Variants in SH2D3A observed in about 807,000 individuals in gnomAD.
SH2D3A encodes the protein SH2 domain-containing protein 3A.
In SH2D3A, 46 loss-of-function variants were observed where a neutral mutation model predicts 50.6. The observed-to-expected ratio is 0.91, with a 90% confidence interval of 0.72 to 1.16. SH2D3A has a LOEUF of 1.16. SH2D3A is among the 50% of genes most tolerant of loss of function. The pLI, the probability that SH2D3A is intolerant of heterozygous loss-of-function variation, is 0.00. For missense variants in SH2D3A, 783 were observed against 786.2 expected, an observed-to-expected ratio of 1.00 and a Z score of 0.05; for synonymous variants, 377 against 348.4, an observed-to-expected ratio of 1.08 and a Z score of -0.91.
Position 6,754,822 on chromosome 19 carries a change from G to A in SH2D3A, c.981+9C>T. ...GGCCTGGGGAGGAGCATCCCAGGAG[G>A]TGACCCACCTGGCAGTCTACCAATA... On this transcript the variant is annotated intron_variant, in intron 5 of 9. Coordinates refer to ENST00000245908, the MANE Select transcript of SH2D3A (RefSeq NM_005490.3). 6.2e-7 allele frequency: 1 copy of A among 1,608,516 alleles called. No homozygotes were observed. Among genetic ancestry groups the A allele is most frequent in the Non-Finnish European group, 8.5e-7 (1 of 1,176,222 alleles).
chr19:6,752,694 G>A lies in SH2D3A; in HGVS notation c.1630C>T (p.Leu544Phe), dbSNP rs763958239. Residue 544 changes from leucine to phenylalanine, a missense_variant, in exon 10 of 10, where the codon CTC (leucine) becomes TTC (phenylalanine). By Grantham distance (22) the Leu-to-Phe change is conservative (BLOSUM62 0). Transcript: ENST00000245908. ...ALTTGFVRRL[L>F]WGSRGAGAPR... Reference sequence around the variant, plus strand: ...GCTCCCGCGCCCCGGCTACCCCAGAGCAGCCTCCGCACGAAGCCGGTGGTC... The same window carrying A: ...GCTCCCGCGCCCCGGCTACCCCAGAACAGCCTCCGCACGAAGCCGGTGGTC... The A allele has an allele frequency of 6.4e-7, 1 of 1,552,722 alleles. No individual in the cohort carries two copies. Among genetic ancestry groups the A allele is most frequent in the Middle Eastern group, 1.7e-4 (1 of 5,974 alleles).
Position 6,759,657 on chromosome 19 carries a change from T to A in SH2D3A, c.433A>T (p.Ser145Cys). The A allele has an allele frequency of 3.1e-6, 5 of 1,613,788 alleles. No individual in the cohort carries two copies. Among genetic ancestry groups the A allele is most frequent in the Non-Finnish European group, 4.2e-6 (5 of 1,179,800 alleles). Residue 145 changes from serine to cysteine, a missense_variant, in exon 4 of 10, where the codon AGC (serine) becomes TGC (cysteine). Physicochemically the swap from Ser to Cys is moderately radical, Grantham distance 112 (BLOSUM62 -1). Coordinates refer to ENST00000245908, the MANE Select transcript of SH2D3A (RefSeq NM_005490.3). ...RIEPLRARKWSNSQPADLAHM... is the reference protein window; with the variant it reads ...RIEPLRARKWCNSQPADLAHM... ...GCCAAATCTGCAGGCTGACTGTTGC[T>A]CCACTTCCTTGCCCTGGGGGACAGA...
chr19:6,754,191 C>G lies in SH2D3A; in HGVS notation c.1273-28G>C, dbSNP rs1195215464. The G allele has an allele frequency of 3.1e-6, 5 of 1,609,230 alleles. No individual in the cohort carries two copies. In the African/African-American group the frequency reaches 6.7e-5, roughly 21 times the overall value. ...GGGAGAAGAGATCTGAGCACGCCTC[C>G]TCTCCAGTCTTCCCAGTCACCCGCA... On this transcript the variant is annotated intron_variant, in intron 7 of 9. Transcript: ENST00000245908.
At chr19:6,753,903 G>A (rs1969482828) in intron 8 of SH2D3A, 149 bp downstream of exon 8, 1 of 1,075,976 alleles carries the variant, frequency 9.3e-7, no homozygotes, top group Non-Finnish European at 1.3e-6. Flanking sequence ...TAGGGAAAGG[G>A]CCAGGACCAA....
intron 4 of SH2D3A, among the ~76,000 whole-genome samples, chr19:6,757,002 C>G (rs549139016): frequency 6.6e-6 from 1 of 152,122 alleles, no homozygotes; most frequent in African/African-American, 2.4e-5. Context: ...TCCCGAGTAG[C>G]TGGGACCACA....
rs374798192 is a variant in SH2D3A, at chr19:6,754,378, G to T, written c.1145C>A (p.Ser382Ter). Residue 382 changes from serine to a stop codon, truncating the protein, a stop_gained, in exon 7 of 10, where the codon TCG becomes TAG. Coordinates refer to ENST00000245908, the MANE Select transcript of SH2D3A (RefSeq NM_005490.3). LOFTEE classifies it high-confidence loss of function. ...GGCTGCGCGCTCCTCCAGCGGCCCC[G>T]AGCAGCCCAGCACCGCCAGCGCCCC... ...LAGALAVLGC[S>*]GPLEERAAAL... The T allele has an allele frequency of 6.4e-6, 10 of 1,553,626 alleles. No homozygotes were observed. Among genetic ancestry groups the T allele is most frequent in the Non-Finnish European group, 8.6e-6 (10 of 1,158,362 alleles).
rs1969969266 is a variant in SH2D3A at position 6,760,783 on chromosome 19, C to T, written c.274G>A (p.Val92Ile). 1 of 1,614,226 alleles carries T rather than the reference C, an allele frequency of 6.2e-7. No individual in the cohort carries two copies. Among genetic ancestry groups the T allele is most frequent in the African/African-American group, 1.3e-5 (1 of 75,052 alleles). The change falls in exon 3 of 10, where the codon GTT becomes ATT. Residue 92 changes from valine to isoleucine, a missense_variant. Coordinates refer to ENST00000245908, the MANE Select transcript of SH2D3A (RefSeq NM_005490.3). Reference sequence around the variant, plus strand: ...CGCCTGCCTGTCATATAACTGTGAACCAGAGCCGGTATGCTGGGGAATTGC... The same window carrying T: ...CGCCTGCCTGTCATATAACTGTGAATCAGAGCCGGTATGCTGGGGAATTGC... The part of the protein sequence containing the change: ...DEQFPSIPAL[V>I]HSYMTGRRPL...
At chr19:6,762,963 C>T (rs1970111211) in intron 2 of SH2D3A, among the ~76,000 whole-genome samples, 1 of 152,116 alleles carries the variant, frequency 6.6e-6, no homozygotes, top group Non-Finnish European at 1.5e-5. Flanking sequence ...CTATTAAGTT[C>T]TACTGCCTCT....
chr19:6,760,370 C>T lies in SH2D3A; in HGVS notation c.419+268G>A, dbSNP rs140605399. Among the ~76,000 whole-genome samples the T allele has an allele frequency of 4.2e-3, 604 of 142,148 alleles. 1 individual carries two copies. Among genetic ancestry groups the T allele is most frequent in the Non-Finnish European group, 6.4e-3 (420 of 65,134 alleles). 93.3% of individuals were successfully genotyped at this position (142,148 alleles called of 152,430 possible). Reference sequence around the variant, plus strand: ...CAGCCTGGGCAACAGAGTGAGACTTCGACTCCAGAGAAAAATAAAAAATAA... The same window carrying T: ...CAGCCTGGGCAACAGAGTGAGACTTTGACTCCAGAGAAAAATAAAAAATAA... On this transcript the variant is annotated intron_variant, in intron 3 of 9. Coordinates refer to ENST00000245908, the MANE Select transcript of SH2D3A (RefSeq NM_005490.3).
chr19:6,758,959 G>C (rs575493249), intron 4 of SH2D3A: 1 of 152,418 alleles, frequency 6.6e-6, no homozygotes, highest in East Asian at 1.9e-4. Flanking sequence ...TGGTGGAAAT[G>C]TAAAATGCAA....
rs1186135941 is a variant in SH2D3A, at chr19:6,754,380, G to A, written c.1143C>T (p.Cys381=). 3.2e-6 allele frequency: 5 copies of A among 1,553,428 alleles called. No individual in the cohort carries two copies. The highest frequency in any genetic ancestry group is 2.3e-5 in the East Asian group (1 of 44,372). Residue 381 remains cysteine (C), a synonymous_variant, in exon 7 of 10, where the codon TGC becomes TGT. Coordinates refer to ENST00000245908, the MANE Select transcript of SH2D3A (RefSeq NM_005490.3). ...CTGCGCGCTCCTCCAGCGGCCCCGAGCAGCCCAGCACCGCCAGCGCCCCGG... is the reference window on the plus strand; with the variant it reads ...CTGCGCGCTCCTCCAGCGGCCCCGAACAGCCCAGCACCGCCAGCGCCCCGG... ...ALAGALAVLG[C]SGPLEERAAA...
intron 4 of SH2D3A, chr19:6,759,359 G>A (rs3865473): frequency 0.25 from 93,737 of 374,092 alleles, 12,296 homozygotes; most frequent in Middle Eastern, 0.28. Flanking sequence ...GTGATCCACC[G>A]GCCTCGGCCT....
At position 6,752,579 on chromosome 19, in the gene SH2D3A, G is replaced by A; in HGVS notation, c.*14C>T. 3 of 1,526,756 alleles carry A rather than the reference G, an allele frequency of 2.0e-6. No homozygotes were observed. Among genetic ancestry groups the A allele is most frequent in the South Asian group, 1.2e-5 (1 of 82,722 alleles). The allele number at this position is 1,526,756 out of a possible 1,614,324, so 94.6% of individuals were successfully genotyped here. Reference sequence around the variant, plus strand: ...ACCTGGGGGTCCCGGGTGTGAAGAAGGGTGTCTGCGCTCTCAGCGGTCAGG... The same window carrying A: ...ACCTGGGGGTCCCGGGTGTGAAGAAAGGTGTCTGCGCTCTCAGCGGTCAGG... On this transcript the variant is annotated 3_prime_UTR_variant, in exon 10 of 10. Transcript: ENST00000245908.
At chr19:6,754,515 C>T in intron 6 of SH2D3A, 90 bp from the exon 7 acceptor site, 2 of 1,572,046 alleles carry the variant, frequency 1.3e-6, no homozygotes, top group Non-Finnish European at 1.7e-6. Context: ...TGCCCCATCT[C>T]CCTTCTTCCC....
In SH2D3A at chr19:6,754,261, AG is replaced by A. The variant is rs1599577956; in HGVS notation, c.1261del (p.Leu421SerfsTer30). ...PGLAAVMGAL[L>X]MPQVSRLEHT... ...CTGCTCCCCACGAACCTGGGGCATG[AG>A]CAGGGCGCCCATGACTGCAGCCAGC... On this transcript the variant is annotated frameshift_variant, in exon 7 of 10. Transcript: ENST00000245908. LOFTEE classifies it high-confidence loss of function. 1.9e-6 allele frequency: 3 copies of A among 1,597,104 alleles called. No individual in the cohort carries two copies. In the East Asian group the frequency reaches 6.7e-5, roughly 36 times the overall value.
Position 6,754,952 on chromosome 19 carries a change from G to A in SH2D3A, c.860C>T (p.Ser287Phe). 1 of 1,613,992 alleles carries A rather than the reference G, an allele frequency of 6.2e-7. No homozygotes were observed. The highest frequency in any genetic ancestry group is 8.5e-7 in the Non-Finnish European group (1 of 1,179,938). Residue 287 changes from serine to phenylalanine, a missense_variant, in exon 5 of 10, where the codon TCC becomes TTC. Coordinates refer to ENST00000245908, the MANE Select transcript of SH2D3A (RefSeq NM_005490.3). Reference sequence around the variant, plus strand: ...CCGATTCTGGGGGCCCAGCAGGCAGGAGGGGGCATCATGGGGGCAGAAAGA... The same window carrying A: ...CCGATTCTGGGGGCCCAGCAGGCAGAAGGGGGCATCATGGGGGCAGAAAGA... ...EISFCPHDAP[S>F]CLLGPQNRPL...
intron 1 of SH2D3A, among the ~76,000 whole-genome samples, chr19:6,765,747 CAAAAAA>C (rs397945080): frequency 1.6e-5 from 1 of 63,238 alleles, no homozygotes; most frequent in African/African-American, 5.3e-5. Context: ...GACTCCGTCT[CAAAAAA>C]AAAAAAAAAA....
rs759411762 is a variant in SH2D3A, at chr19:6,761,965, CAA to C, written c.70-980_70-979del. Among the ~76,000 whole-genome samples the C allele has an allele frequency of 1.7e-4, 17 of 101,610 alleles. 1 individual carries two copies. Among genetic ancestry groups the C allele is most frequent in the African/African-American group, 6.8e-4 (17 of 25,082 alleles). 66.7% of individuals were successfully genotyped at this position (101,610 alleles called of 152,430 possible). ...TCATGTCTCAAAAACAAAAAAAAAACAAAAAAAAAAACAAAAAAAAGGCTTGG... is the reference window on the plus strand; with the variant it reads ...TCATGTCTCAAAAACAAAAAAAAAACAAAAAAAAACAAAAAAAAGGCTTGG... On this transcript the variant is annotated intron_variant, in intron 2 of 9. Transcript: ENST00000245908.
chr19:6,756,655 G>A (rs1225553609), intron 4 of SH2D3A, among the ~76,000 whole-genome samples: 2 of 152,044 alleles, frequency 1.3e-5, no homozygotes, highest in Non-Finnish European at 2.9e-5. Context: ...TTGGGAGACT[G>A]TATTTACCAT....
Sources: gnomAD v4.1 joint callset for allele counts (sites outside exome capture counted in the v4.1 genomes callset) on GRCh38, gnomAD v4.1.1 for gene constraint, MANE v1.5 for transcripts, NCBI Gene and HGNC (gene_info 2026-07-23, HGNC 2026-07-21) for gene names.